RNF182: variants seen among roughly 807,000 people sequenced by gnomAD.
The protein encoded by RNF182 is ring finger protein 182.
A neutral mutation model predicts 14.4 loss-of-function variants in RNF182; 15 were observed. The observed-to-expected ratio is 1.04, with a 90% confidence interval of 0.70 to 1.60. The LOEUF (loss-of-function observed/expected upper bound fraction) is 1.60. Ranked by LOEUF, RNF182 falls within the 40% of genes most tolerant of loss-of-function variation. RNF182 has a pLI of 0.00. For missense variants in RNF182, 268 were observed against 294.8 expected (o/e 0.91, Z 0.67); for synonymous variants, 128 against 122.9 (o/e 1.04, Z -0.27).
chr6:13,954,221 C>CA (rs1263015421), intron 1 of RNF182, among the ~76,000 whole-genome samples: 4 of 152,166 alleles, frequency 2.6e-5, no homozygotes, highest in African/African-American at 7.2e-5. Flanking sequence ...ATCTTCAAAA[C>CA]ATTGAAGAGA....
chr6:13,941,864 A>G (rs935077778), intron 1 of RNF182, among the ~76,000 whole-genome samples: 2 of 152,176 alleles, frequency 1.3e-5, no homozygotes, highest in African/African-American at 2.4e-5. Context: ...AATTCCACAC[A>G]TGAATAAAAT....
intron 1 of RNF182, among the ~76,000 whole-genome samples, chr6:13,953,043 T>G (rs1025794740): frequency 7.9e-5 from 12 of 152,254 alleles, no homozygotes; most frequent in African/African-American, 2.9e-4. Context: ...CTAAGAATGC[T>G]TTTGTTCATA....
intron 1 of RNF182, among the ~76,000 whole-genome samples, chr6:13,952,700 A>G (rs1350939801): frequency 6.6e-6 from 1 of 152,196 alleles, no homozygotes; most frequent in East Asian, 1.9e-4. Flanking sequence ...GAGGGTTCTC[A>G]GATATTGCAC....
intron 1 of RNF182, chr6:13,949,341 T>C (rs1441310972): frequency 2.6e-6 from 2 of 769,570 alleles, no homozygotes; most frequent in Non-Finnish European, 4.9e-6. Context: ...GTGGCCCCCT[T>C]GCTTCCAAGT....
chr6:13,928,534 T>G (rs1187586446), intron 1 of RNF182, among the ~76,000 whole-genome samples: 1 of 152,236 alleles, frequency 6.6e-6, no homozygotes. Context: ...AAGTTTTATA[T>G]TTCCAGAGCT....
intron 1 of RNF182, among the ~76,000 whole-genome samples, chr6:13,956,407 C>T (rs1759732534): frequency 6.6e-6 from 1 of 151,956 alleles, no homozygotes; most frequent in Admixed American, 6.6e-5. Context: ...TCACTGCAAC[C>T]TCCACCTCCC....
chr6:13,928,674 A>G (rs1758892224), intron 1 of RNF182, among the ~76,000 whole-genome samples: 1 of 152,220 alleles, frequency 6.6e-6, no homozygotes, highest in African/African-American at 2.4e-5. Flanking sequence ...AGAATCTGGG[A>G]TCCTGTTAGG....
chr6:13,968,176 A>G (rs1760083569), intron 1 of RNF182, among the ~76,000 whole-genome samples: 1 of 152,182 alleles, frequency 6.6e-6, no homozygotes, highest in Non-Finnish European at 1.5e-5. Flanking sequence ...AAGCACAGTA[A>G]AATAGTTTGA....
intron 1 of RNF182, among the ~76,000 whole-genome samples, chr6:13,965,704 G>A (rs1475421628): frequency 2.0e-5 from 3 of 152,182 alleles, no homozygotes; most frequent in Non-Finnish European, 4.4e-5. Context: ...CAAGGGTTTG[G>A]TCTAGGCCCT....
intron 1 of RNF182, among the ~76,000 whole-genome samples, chr6:13,967,789 A>T (rs1442043883): frequency 6.6e-6 from 1 of 152,122 alleles, no homozygotes; most frequent in Non-Finnish European, 1.5e-5. Flanking sequence ...CTAGTCTCAA[A>T]CTCCTAAGGC....
intron 1 of RNF182, among the ~76,000 whole-genome samples, chr6:13,933,809 G>T (rs1759036162): frequency 6.6e-6 from 1 of 152,130 alleles, no homozygotes; most frequent in East Asian, 1.9e-4. Context: ...CCTGAGGTCG[G>T]TAGTTCGAGA....
Position 13,978,096 on chromosome 6 carries a change from C to T in RNF182, c.*233C>T, listed in dbSNP as rs1023424040. 8.6e-6 allele frequency: 4 copies of T among 466,060 alleles called. No individual in the cohort carries two copies. The Admixed American group carries it at 1.1e-4, about 13-fold the overall frequency. 28.9% of individuals were successfully genotyped at this position (466,060 alleles called of 1,614,324 possible). A position where few individuals can be genotyped will look rare whatever the true frequency, so the allele number is the denominator to read the frequency against. On this transcript the variant is annotated 3_prime_UTR_variant, in exon 3 of 3. Coordinates refer to ENST00000488300, the MANE Select transcript of RNF182 (RefSeq NM_152737.4). ...CTCACACTTCATGGAGCACTGACAG[C>T]AGTGAGTCTTCCCAGAGAAAGGACA...
intron 1 of RNF182, among the ~76,000 whole-genome samples, chr6:13,946,140 C>CAT (rs1554125653): frequency 7.3e-6 from 1 of 137,414 alleles, no homozygotes; most frequent in African/African-American, 2.7e-5. Flanking sequence ...TAAAGCAAAA[C>CAT]ATTATTATTA....
rs189658757 is a variant in RNF182 at position 13,980,084 on chromosome 6, A to C, written c.*2221A>C. On this transcript the variant is annotated 3_prime_UTR_variant, in exon 3 of 3. Coordinates refer to ENST00000488300, the MANE Select transcript of RNF182 (RefSeq NM_152737.4). ...CCTCTGTTAGCTTTAGATAACGGCAAACATGAACATTCAGAAACGTTGGTT... is the reference window on the plus strand; with the variant it reads ...CCTCTGTTAGCTTTAGATAACGGCACACATGAACATTCAGAAACGTTGGTT... The C allele has an allele frequency of 1.3e-5, 2 of 154,126 alleles. No individual in the cohort carries two copies. Among genetic ancestry groups the C allele is most frequent in the African/African-American group, 4.8e-5 (2 of 41,452 alleles). The allele number at this position is 154,126 out of a possible 1,614,324, so 9.5% of individuals were successfully genotyped here.
rs1485488434 is a variant in RNF182, at chr6:13,966,840, G to GTGCGCGTGCGTATGTGTT, written c.-366-7368_-366-7367insCGCGTGCGTATGTGTTTG. On this transcript the variant is annotated intron_variant, in intron 1 of 2. Transcript: ENST00000488300. ...TGTGTGTGTGCGCGTGCGTGTGTGTGTGTGTGTGTGTGTTTTCAAACATGC... is the reference window on the plus strand; with the variant it reads ...TGTGTGTGTGCGCGTGCGTGTGTGTGTGCGCGTGCGTATGTGTTTGTGTGTGTGTGTTTTCAAACATGC... Among the ~76,000 whole-genome samples, 639 of 148,656 alleles carry GTGCGCGTGCGTATGTGTT rather than the reference G, an allele frequency of 4.3e-3. 4 individuals carry two copies. Among genetic ancestry groups the GTGCGCGTGCGTATGTGTT allele is most frequent in the African/African-American group, 0.015 (612 of 40,268 alleles).
At position 13,949,669 on chromosome 6, in the gene RNF182, CAGA is replaced by C. The variant is rs1233907713; in HGVS notation, c.-366-24538_-366-24536del. On this transcript the variant is annotated intron_variant, in intron 1 of 2. Coordinates refer to ENST00000488300, the MANE Select transcript of RNF182 (RefSeq NM_152737.4). ...ATCGAACAAACCTGAAAGTATAGAT[CAGA>C]AGTTTTACTTGTTTCTCAGTTATTG... is the stretch of plus-strand genomic sequence containing the variant. 20 of 294,046 alleles carry C rather than the reference CAGA, an allele frequency of 6.8e-5. No homozygotes were observed. In the South Asian group the frequency reaches 9.4e-4, roughly 14 times the overall value. 18.2% of individuals were successfully genotyped at this position (294,046 alleles called of 1,614,324 possible).
intron 1 of RNF182, among the ~76,000 whole-genome samples, chr6:13,952,561 C>G (rs280168): frequency 0.56 from 85,084 of 151,430 alleles, 27,764 homozygotes; most frequent in Non-Finnish European, 0.74. Context: ...TACGGTTTAT[C>G]CAAAGTCGGC....
At chr6:13,935,835 C>A (rs921817568) in intron 1 of RNF182, among the ~76,000 whole-genome samples, 4 of 152,138 alleles carry the variant, frequency 2.6e-5, no homozygotes, top group African/African-American at 9.7e-5. Context: ...ATGGGCTATG[C>A]TATTGATACA....
At chr6:13,927,714 G>C (rs1057490322) in intron 1 of RNF182, among the ~76,000 whole-genome samples, 1 of 152,198 alleles carries the variant, frequency 6.6e-6, no homozygotes, top group Non-Finnish European at 1.5e-5. Context: ...AGCCTTTATT[G>C]ACTGTTTCTG....
Sources: gnomAD v4.1 joint callset for allele counts (sites outside exome capture counted in the v4.1 genomes callset) on GRCh38, gnomAD v4.1.1 for gene constraint, MANE v1.5 for transcripts, NCBI Gene and HGNC (gene_info 2026-07-23, HGNC 2026-07-21) for gene names.